PSMB5: variants seen among roughly 807,000 people sequenced by gnomAD.
PSMB5 encodes proteasome 20S subunit beta 5, also known as proteasome subunit beta type-5.
Under a neutral mutation model 22.8 loss-of-function variants are expected in PSMB5, and 2 were observed. That is an observed-to-expected ratio of 0.09 (90% CI 0.04 to 0.28). The LOEUF (loss-of-function observed/expected upper bound fraction) is 0.28, where lower values mean the gene tolerates loss of function less well. Among genes scored for constraint, PSMB5 ranks in the 10% least tolerant of loss-of-function variants. The pLI is 1.00. For missense variants in PSMB5, 269 were observed against 343.8 expected (o/e 0.78, Z 1.72); for synonymous variants, 133 against 135.3 (o/e 0.98, Z 0.12).
At chr14:23,033,973 C>T (rs1466183958) in intron 1 of PSMB5, among the ~76,000 whole-genome samples, 1 of 151,998 alleles carries the variant, frequency 6.6e-6, no homozygotes, top group Non-Finnish European at 1.5e-5. Context: ...GTGCTGGAGA[C>T]CAGCCTGGGC....
chr14:23,032,919 T>A (rs1329478816), intron 2 of PSMB5, among the ~76,000 whole-genome samples: 1 of 148,820 alleles, frequency 6.7e-6, no homozygotes, highest in Non-Finnish European at 1.5e-5. Context: ...TTAAATTCTT[T>A]TTTTTGAGAC....
intron 2 of PSMB5, among the ~76,000 whole-genome samples, chr14:23,027,023 G>A (rs113640977): frequency 0.13 from 19,322 of 150,514 alleles, 1,405 homozygotes; most frequent in Non-Finnish European, 0.17. Context: ...CAAAGGTTGC[G>A]GTAAGCCAAG....
chr14:23,028,563 G>A (rs984584897), intron 2 of PSMB5, among the ~76,000 whole-genome samples: 1 of 152,036 alleles, frequency 6.6e-6, no homozygotes, highest in Non-Finnish European at 1.5e-5. Flanking sequence ...TTACATATAT[G>A]GCTCACATTA....
chr14:23,029,051 A>AT (rs1172651287), intron 2 of PSMB5, among the ~76,000 whole-genome samples: 2 of 152,092 alleles, frequency 1.3e-5, no homozygotes, highest in Non-Finnish European at 2.9e-5. Flanking sequence ...TCTAACAAAG[A>AT]TTTTTTTCAA....
In PSMB5 at chr14:23,026,215, G is replaced by A. The variant is rs768191445; in HGVS notation, c.666C>T (p.Ala222=). Residue 222 remains alanine (A), a synonymous_variant, in exon 3 of 3, where the codon GCC becomes GCT. Coordinates refer to ENST00000361611, the MANE Select transcript of PSMB5 (RefSeq NM_002797.5). The part of the protein sequence containing the change: ...YDLARRAIYQ[A]TYRDAYSGGA... ...CTCCTGAGTAGGCATCTCTGTAGGT[G>A]GCTTGGTAGATGGCTCGACGGGCCA... 6.2e-7 allele frequency: 1 copy of A among 1,613,966 alleles called. No homozygotes were observed. Among genetic ancestry groups the A allele is most frequent in the Non-Finnish European group, 8.5e-7 (1 of 1,180,032 alleles).
chr14:23,026,148 G>A lies in PSMB5; in HGVS notation c.733C>T (p.Arg245Ter), dbSNP rs1456481786. The A allele has an allele frequency of 6.2e-6, 10 of 1,613,950 alleles. No individual in the cohort carries two copies. Among genetic ancestry groups the A allele is most frequent in the South Asian group, 1.1e-5 (1 of 91,078 alleles). The change falls in exon 3 of 3, where the codon CGA becomes TGA. Residue 245 changes from arginine (R) to a stop codon, truncating the protein, a stop_gained. Coordinates refer to ENST00000361611, the MANE Select transcript of PSMB5 (RefSeq NM_002797.5). LOFTEE classifies it high-confidence loss of function. ...LYHVREDGWI[R>*]VSSDNVADLH... ...TCAGCCACATTGTCACTGGAGACTC[G>A]GATCCAGCCATCCTCCCGCACGTGG...
At chr14:23,026,808 C>A (rs1391358486) in intron 2 of PSMB5, among the ~76,000 whole-genome samples, 1 of 149,866 alleles carries the variant, frequency 6.7e-6, no homozygotes, top group Admixed American at 6.7e-5. Flanking sequence ...ATAGGCCGGG[C>A]GCGGTGGCTC....
intron 2 of PSMB5, 27 bp from the exon 3 acceptor site, chr14:23,026,402 A>G (rs552742758): frequency 5.6e-5 from 48 of 864,066 alleles, no homozygotes; most frequent in African/African-American, 1.2e-4. Flanking sequence ...GGTTAGCAGG[A>G]AAAAAAAAAA....
At chr14:23,034,623 G>A (rs755526450) in intron 1 of PSMB5, 61 bp downstream of exon 1, 1 of 1,579,674 alleles carries the variant, frequency 6.3e-7, no homozygotes, top group South Asian at 1.1e-5. Context: ...CGGTCAGGCT[G>A]GGAGGCCAGG....
At chr14:23,026,516 C>G (rs1368222928) in intron 2 of PSMB5, 141 bp from the exon 3 acceptor site, 2 of 1,177,768 alleles carry the variant, frequency 1.7e-6, no homozygotes, top group East Asian at 2.6e-5. Flanking sequence ...ATGGCGCAAT[C>G]TCGGCTCACC....
chr14:23,032,441 C>A (rs1442387389), intron 2 of PSMB5, among the ~76,000 whole-genome samples: 1 of 151,682 alleles, frequency 6.6e-6, no homozygotes, highest in African/African-American at 2.4e-5. Context: ...TGAAACTTTG[C>A]ATCTCAAAAA....
rs2139910494 is a variant in PSMB5 at position 23,026,360 on chromosome 14, T to A, written c.521A>T (p.Asp174Val). ...CCCTGAAATCCGGTTCCCTTCACTG[T>A]CCACGTAGTAGAGGCCTGGAAAGGG... Reference protein sequence around the residue: ...DKRGPGLYYVDSEGNRISGAT... With the variant: ...DKRGPGLYYVVSEGNRISGAT... The change falls in exon 3 of 3, where the codon GAC (aspartate) becomes GTC (valine). Residue 174 changes from aspartate (D) to valine (V), a missense_variant. By Grantham distance (152) the Asp-to-Val change is radical. Coordinates refer to ENST00000361611, the MANE Select transcript of PSMB5 (RefSeq NM_002797.5). The A allele has an allele frequency of 6.2e-7, 1 of 1,613,520 alleles. No individual in the cohort carries two copies. Among genetic ancestry groups the A allele is most frequent in the Non-Finnish European group, 8.5e-7 (1 of 1,179,924 alleles).
At position 23,034,855 on chromosome 14, in the gene PSMB5, T is replaced by G. The variant is rs779059273; in HGVS notation, c.27A>C (p.Arg9Ser). 3 of 1,614,104 alleles carry G rather than the reference T, an allele frequency of 1.9e-6. No homozygotes were observed. Among genetic ancestry groups the G allele is most frequent in the Non-Finnish European group, 2.5e-6 (3 of 1,180,012 alleles). Residue 9 changes from arginine (R) to serine (S), a missense_variant, in exon 1 of 3, where the codon AGA becomes AGC. Arg to Ser is a moderately radical substitution (Grantham distance 110). Around this residue, in one of 3 missense-constraint regions of PSMB5, gnomAD observed 81 missense variants for 70.4 expected, o/e 1.15. Transcript: ENST00000361611. Reference protein sequence around the residue: MALASVLERPLPVNQRGFF... With the variant: MALASVLESPLPVNQRGFF... ...ACCCGCGCTGGTTCACCGGTAGCGGTCTCTCCAACACGCTGGCAAGCGCCA... is the reference window on the plus strand; with the variant it reads ...ACCCGCGCTGGTTCACCGGTAGCGGGCTCTCCAACACGCTGGCAAGCGCCA...
intron 2 of PSMB5, 47 bp from the exon 3 acceptor site, chr14:23,026,422 T>G (rs749583379): frequency 6.3e-7 from 1 of 1,576,302 alleles, no homozygotes; most frequent in Admixed American, 1.9e-5. Flanking sequence ...AGATCACCCC[T>G]TTTGATATCT....
intron 2 of PSMB5, among the ~76,000 whole-genome samples, chr14:23,028,487 T>TTAAACAAAATATAAACAAAATA (rs1399770827): frequency 3.9e-5 from 6 of 152,244 alleles, no homozygotes; most frequent in Non-Finnish European, 4.4e-5. Context: ...ATTTATTAGG[T>TTAAACAAAATATAAACAAAATA]TAAACAAAAT....
intron 2 of PSMB5, chr14:23,027,771 A>G (rs1461438937): frequency 1.3e-6 from 2 of 1,548,818 alleles, no homozygotes; most frequent in East Asian, 4.9e-5. Context: ...TCCTCTCAGC[A>G]CACCCACAAA....
chr14:23,032,822 T>A lies in PSMB5; in HGVS notation c.505+546A>T, dbSNP rs187354508. ...ACCTTGTTAGCCAGGATGGTCTCGATCTCCTGACCTCGTGATCCACTGTCT... is the reference window on the plus strand; with the variant it reads ...ACCTTGTTAGCCAGGATGGTCTCGAACTCCTGACCTCGTGATCCACTGTCT... On this transcript the variant is annotated intron_variant, in intron 2 of 2. Transcript: ENST00000361611. 6.6e-3 allele frequency among the ~76,000 whole-genome samples: 987 copies of A among 150,216 alleles called. 13 individuals are homozygous for A. The highest frequency in any genetic ancestry group is 0.022 in the African/African-American group (915 of 40,828).
At chr14:23,032,096 T>G (rs1270958499) in intron 2 of PSMB5, among the ~76,000 whole-genome samples, 2 of 150,590 alleles carry the variant, frequency 1.3e-5, no homozygotes, top group East Asian at 4.0e-4. Flanking sequence ...CCCCACCCCC[T>G]CAAAAAAGAG....
Position 23,026,176 on chromosome 14 carries a change from G to A in PSMB5, c.705C>T (p.Leu235=), listed in dbSNP as rs373543398. The A allele has an allele frequency of 5.9e-5, 95 of 1,614,058 alleles. No individual in the cohort carries two copies. Among genetic ancestry groups the A allele is most frequent in the Non-Finnish European group, 7.7e-5 (91 of 1,180,044 alleles). The change falls in exon 3 of 3, where the codon CTC becomes CTT. Residue 235 remains leucine, a synonymous_variant. Transcript: ENST00000361611. ...RDAYSGGAVN[L]YHVREDGWIR... ...TCCAGCCATCCTCCCGCACGTGGTA[G>A]AGGTTGACTGCACCTCCTGAGTAGG... is the stretch of plus-strand genomic sequence containing the variant.
Sources: gnomAD v4.1 joint callset for allele counts (sites outside exome capture counted in the v4.1 genomes callset) on GRCh38, gnomAD v4.1.1 for gene constraint, gnomAD v4.1.1 regional missense constraint, MANE v1.5 for transcripts, NCBI Gene and HGNC (gene_info 2026-07-23, HGNC 2026-07-21) for gene names.